ADGB: variants seen among roughly 807,000 people sequenced by gnomAD.
ADGB encodes the protein calpain-7-like protein.
A neutral mutation model predicts 210.5 loss-of-function variants in ADGB; 172 were observed. The observed-to-expected ratio is 0.82, with a 90% confidence interval of 0.72 to 0.93. The LOEUF (loss-of-function observed/expected upper bound fraction) is 0.93. Ranked by LOEUF, ADGB falls within the 40% of genes least tolerant of loss-of-function variation. ADGB has a pLI of 0.00. For missense variants in ADGB, 2,025 were observed against 1,964.8 expected, an observed-to-expected ratio of 1.03 and a Z score of -0.58; for synonymous variants, 658 against 662.7, an observed-to-expected ratio of 0.99 and a Z score of 0.11.
intron 27 of ADGB, among the ~76,000 whole-genome samples, chr6:146,757,621 AC>A (rs955563887): frequency 1.3e-5 from 2 of 151,952 alleles, no homozygotes; most frequent in Non-Finnish European, 2.9e-5. Flanking sequence ...GCTTACTTGG[AC>A]AGTAAGATGC....
intron 6 of ADGB, among the ~76,000 whole-genome samples, chr6:146,665,199 C>A (rs1051839391): frequency 6.6e-6 from 1 of 152,010 alleles, no homozygotes; most frequent in Non-Finnish European, 1.5e-5. Flanking sequence ...AGCCCCCTCC[C>A]CTTCTATAAA....
At chr6:146,793,812 A>T (rs1777992200) in intron 33 of ADGB, among the ~76,000 whole-genome samples, 1 of 152,146 alleles carries the variant, frequency 6.6e-6, no homozygotes, top group African/African-American at 2.4e-5. Flanking sequence ...TGGTTAGTGT[A>T]AAAGCAACAC....
At chr6:146,794,178 T>C (rs1778000694) in intron 33 of ADGB, among the ~76,000 whole-genome samples, 1 of 152,142 alleles carries the variant, frequency 6.6e-6, no homozygotes, top group Non-Finnish European at 1.5e-5. Context: ...AAGGTACAGG[T>C]GCATGTCCAG....
At chr6:146,723,822 G>T (rs1454975914) in intron 17 of ADGB, among the ~76,000 whole-genome samples, 1 of 152,122 alleles carries the variant, frequency 6.6e-6, no homozygotes, top group Non-Finnish European at 1.5e-5. Flanking sequence ...TATTTTTCAA[G>T]ATGTAATATG....
intron 33 of ADGB, among the ~76,000 whole-genome samples, chr6:146,799,273 C>G (rs1778088791): frequency 6.6e-6 from 1 of 151,936 alleles, no homozygotes; most frequent in East Asian, 1.9e-4. Flanking sequence ...TACAAGACTC[C>G]TAGAAAATAC....
chr6:146,638,496 T>C (rs112938099), intron 2 of ADGB, among the ~76,000 whole-genome samples: 3,859 of 150,416 alleles, frequency 0.026, 63 homozygotes, highest in Middle Eastern at 0.058. Flanking sequence ...CAGCAAACTA[T>C]CGCAAGGACA....
At chr6:146,812,939 T>C (rs1778323904) in intron 35 of ADGB, among the ~76,000 whole-genome samples, 1 of 152,226 alleles carries the variant, frequency 6.6e-6, no homozygotes, top group Admixed American at 6.5e-5. Flanking sequence ...AATGGCCGTG[T>C]TGCATGACTC....
chr6:146,691,445 A>ATATATATATATATAAATATATATATAT (rs1419237911), intron 11 of ADGB, among the ~76,000 whole-genome samples, 155 bp downstream of exon 11: 1 of 16,454 alleles, frequency 6.1e-5, no homozygotes, highest in African/African-American at 2.9e-4. Flanking sequence ...TATATATAAA[A>ATATATATATATATAAATATATATATAT]ATATATATAT....
intron 29 of ADGB, among the ~76,000 whole-genome samples, chr6:146,779,596 G>C (rs80254692): frequency 2.0e-5 from 3 of 151,826 alleles, no homozygotes; most frequent in Middle Eastern, 3.2e-3. Context: ...AGTGATTCTC[G>C]GTAATATTAA....
chr6:146,644,665 A>C (rs1775579794), intron 2 of ADGB, 108 bp from the exon 3 acceptor site: 1 of 597,396 alleles, frequency 1.7e-6, no homozygotes, highest in South Asian at 3.5e-5. Flanking sequence ...CTGCTTTGTA[A>C]AGGCTTATTG....
intron 3 of ADGB, among the ~76,000 whole-genome samples, chr6:146,652,554 T>TG (rs2114880660): frequency 6.6e-6 from 1 of 152,252 alleles, no homozygotes; most frequent in African/African-American, 2.4e-5. Flanking sequence ...TATATATACT[T>TG]GATATGAATT....
In ADGB at chr6:146,740,050, A is replaced by G. The variant is rs556324994; in HGVS notation, c.2889-409A>G. ...AAACGTATTTCTCACTTTAAACTCC[A>G]TTTCAGTCTCCATTCTCTCTACTTC... On this transcript the variant is annotated intron_variant, in intron 23 of 35. Coordinates refer to ENST00000397944, the MANE Select transcript of ADGB (RefSeq NM_024694.4). 2.0e-5 allele frequency among the ~76,000 whole-genome samples: 3 copies of G among 152,282 alleles called. No homozygotes were observed. The South Asian group carries it at 6.2e-4, about 32-fold the overall frequency.
chr6:146,721,562 G>A (rs1226830879), intron 17 of ADGB, 57 bp downstream of exon 17: 9 of 1,078,208 alleles, frequency 8.3e-6, no homozygotes, highest in Admixed American at 2.1e-5. Context: ...TCAGGCTAGG[G>A]CGTGGTGGCT....
Position 146,801,914 on chromosome 6 carries a change from G to A in ADGB, c.4721G>A (p.Arg1574Gln), listed in dbSNP as rs750736707. Residue 1574 changes from arginine to glutamine, a missense_variant, in exon 35 of 36, where the codon CGA (arginine) becomes CAA (glutamine). Coordinates refer to ENST00000397944, the MANE Select transcript of ADGB (RefSeq NM_024694.4). ...MQKAEEIHQF[R>Q]QHRTRVLSIR... is the part of the protein sequence containing the mutation. ...AAGGCGGAAGAAATTCATCAGTTTC[G>A]ACAGCATAGGACCAGAGTCCTTAGC... 6.4e-7 allele frequency: 1 copy of A among 1,551,202 alleles called. No homozygotes were observed. Among genetic ancestry groups the A allele is most frequent in the Non-Finnish European group, 8.7e-7 (1 of 1,146,796 alleles).
chr6:146,781,360 A>G (rs369442512), intron 29 of ADGB, among the ~76,000 whole-genome samples: 2 of 151,686 alleles, frequency 1.3e-5, no homozygotes, highest in South Asian at 2.1e-4. Flanking sequence ...AAAGAAAAAA[A>G]AAAAAGAAAT....
chr6:146,814,395 A>T (rs1037455171), intron 35 of ADGB, among the ~76,000 whole-genome samples: 4 of 152,220 alleles, frequency 2.6e-5, no homozygotes, highest in Non-Finnish European at 5.9e-5. Context: ...GTGACTGAAT[A>T]GGAGCAGCTG....
At chr6:146,611,689 C>T (rs1001141880) in intron 1 of ADGB, among the ~76,000 whole-genome samples, 4 of 152,126 alleles carry the variant, frequency 2.6e-5, no homozygotes, top group Non-Finnish European at 4.4e-5. Flanking sequence ...CTCCTCTCAG[C>T]GCCCTCCTTC....
intron 1 of ADGB, among the ~76,000 whole-genome samples, chr6:146,604,505 C>T (rs1217038646): frequency 1.3e-5 from 2 of 151,806 alleles, no homozygotes; most frequent in Non-Finnish European, 2.9e-5. Flanking sequence ...TGGGTGGAGG[C>T]AGCCAGGGCT....
chr6:146,645,507 C>G (rs1476934625), intron 3 of ADGB, among the ~76,000 whole-genome samples: 3 of 151,956 alleles, frequency 2.0e-5, no homozygotes, highest in Non-Finnish European at 2.9e-5. Context: ...ATGACTAATG[C>G]CTTTTTTCTT....
Sources: gnomAD v4.1 joint callset for allele counts (sites outside exome capture counted in the v4.1 genomes callset) on GRCh38, gnomAD v4.1.1 for gene constraint, MANE v1.5 for transcripts, NCBI Gene and HGNC (gene_info 2026-07-23, HGNC 2026-07-21) for gene names.